The following KCNIP1 variants were observed in gnomAD, a reference collection of about 807,000 sequenced individuals.
KCNIP1 encodes the protein A-type potassium channel modulatory protein KCNIP1.
KCNIP1 carries 18 observed loss-of-function variants against 33.0 expected under a neutral mutation model. The ratio of observed to expected loss-of-function variants is 0.55; its 90% confidence interval spans 0.38 to 0.81. KCNIP1 has a LOEUF of 0.81. Ranked by LOEUF, KCNIP1 falls within the 30% of genes least tolerant of loss-of-function variation. The probability of loss-of-function intolerance (pLI) is 0.00; values close to 1 mark genes in which losing one functional copy is unlikely to be tolerated. For synonymous variants in KCNIP1, 93 were observed against 98.3 expected (o/e 0.95, Z 0.32); for missense variants, 238 against 271.6 (o/e 0.88, Z 0.87).
At chr5:170,712,995 G>A (rs1322253194) in intron 1 of KCNIP1, 1 of 888,102 alleles carries the variant, frequency 1.1e-6, no homozygotes. Flanking sequence ...CCAGCTTTCT[G>A]TGTCCTTTGT....
At chr5:170,664,382 C>T (rs1761621407) in intron 1 of KCNIP1, among the ~76,000 whole-genome samples, 1 of 152,170 alleles carries the variant, frequency 6.6e-6, no homozygotes, top group African/African-American at 2.4e-5. Flanking sequence ...CTAGCATTTC[C>T]CTCTCTGCAT....
chr5:170,652,185 G>C (rs1416261646), intron 1 of KCNIP1, among the ~76,000 whole-genome samples: 2 of 151,986 alleles, frequency 1.3e-5, no homozygotes, highest in Non-Finnish European at 2.9e-5. Context: ...TAATGGCCAA[G>C]AATAGAAGAC....
upstream of KCNIP1, among the ~76,000 whole-genome samples, chr5:170,499,049 C>A (rs941490157): frequency 6.6e-6 from 1 of 152,120 alleles, no homozygotes; most frequent in East Asian, 1.9e-4. Context: ...AAGCAGGAAA[C>A]TCGGCCTTTG....
At chr5:170,621,044 C>A (rs2221441) in intron 1 of KCNIP1, among the ~76,000 whole-genome samples, 2 of 151,936 alleles carry the variant, frequency 1.3e-5, no homozygotes, top group African/African-American at 4.8e-5. Context: ...GCAAGATAGG[C>A]CCCAGAAAGA....
chr5:170,651,606 T>C (rs1561742716), intron 1 of KCNIP1, among the ~76,000 whole-genome samples: 1 of 152,208 alleles, frequency 6.6e-6, no homozygotes, highest in Non-Finnish European at 1.5e-5. Flanking sequence ...CCCCCCCAGC[T>C]GATTGTTTTC....
intron 1 of KCNIP1, among the ~76,000 whole-genome samples, chr5:170,623,999 G>A (rs1759715839): frequency 6.6e-6 from 1 of 152,176 alleles, no homozygotes. Flanking sequence ...TGCCTCCAGT[G>A]GCCCCGTGTC....
chr5:170,684,644 A>G (rs1263397202), intron 1 of KCNIP1, among the ~76,000 whole-genome samples: 1 of 152,202 alleles, frequency 6.6e-6, no homozygotes, highest in Non-Finnish European at 1.5e-5. Context: ...CTGCAGTTCC[A>G]AGGAGGATGA....
chr5:170,598,958 G>A (rs1425715879), intron 1 of KCNIP1, among the ~76,000 whole-genome samples: 1 of 149,932 alleles, frequency 6.7e-6, no homozygotes. Context: ...GGGGTGGGAG[G>A]GGAGGCAGAA....
At position 170,396,587 on chromosome 5, in the gene KCNIP1, ATGGATTCAAAGATTTCCTGG is replaced by A. The variant is rs1472851902; in HGVS notation, c.88+42638_88+42657del. ...GAAAGGCAGGACATCTCAAATGGGGATGGATTCAAAGATTTCCTGGTGGATTCAAAGATTCAAAGGTGGAT... is the reference window on the plus strand; with the variant it reads ...GAAAGGCAGGACATCTCAAATGGGGATGGATTCAAAGATTCAAAGGTGGAT... On this transcript the variant is annotated intron_variant, in intron 1 of 7. Transcript: ENST00000377360. 2.0e-4 allele frequency among the ~76,000 whole-genome samples: 30 copies of A among 152,340 alleles called. No homozygotes were observed. The South Asian group carries it at 6.2e-3, about 32-fold the overall frequency.
intron 1 of KCNIP1, among the ~76,000 whole-genome samples, chr5:170,596,534 G>C (rs948016944): frequency 6.6e-6 from 1 of 152,230 alleles, no homozygotes; most frequent in Non-Finnish European, 1.5e-5. Flanking sequence ...TGGCACAATA[G>C]AGGAAACACC....
At chr5:170,420,920 C>T (rs181257090) in intron 1 of KCNIP1, among the ~76,000 whole-genome samples, 1 of 152,296 alleles carries the variant, frequency 6.6e-6, no homozygotes, top group Admixed American at 6.5e-5. Context: ...TCAATAGCCA[C>T]GTATGGCTGG....
intron 1 of KCNIP1, among the ~76,000 whole-genome samples, chr5:170,670,361 A>G (rs936518128): frequency 6.6e-6 from 1 of 152,214 alleles, no homozygotes; most frequent in Non-Finnish European, 1.5e-5. Flanking sequence ...TAGCAAATTA[A>G]GCCTAGGATG....
At chr5:170,693,243 AG>A (rs1379563273) in intron 1 of KCNIP1, among the ~76,000 whole-genome samples, 1 of 72,508 alleles carries the variant, frequency 1.4e-5, no homozygotes, top group Non-Finnish European at 2.6e-5. Context: ...GGGACGGGCC[AG>A]CCCCCATCCC....
chr5:170,622,410 T>A (rs1315656093), intron 1 of KCNIP1, among the ~76,000 whole-genome samples: 1 of 151,744 alleles, frequency 6.6e-6, no homozygotes, highest in Non-Finnish European at 1.5e-5. Context: ...TCACTTGAGG[T>A]TAGGAGTTCA....
intron 1 of KCNIP1, among the ~76,000 whole-genome samples, chr5:170,511,521 G>A (rs999881443): frequency 2.0e-5 from 3 of 152,216 alleles, no homozygotes; most frequent in Non-Finnish European, 4.4e-5. Context: ...ATTCCTAAGG[G>A]AAGCTGTCAA....
intron 1 of KCNIP1, among the ~76,000 whole-genome samples, chr5:170,447,027 C>A (rs1212669875): frequency 6.6e-6 from 1 of 152,196 alleles, no homozygotes; most frequent in African/African-American, 2.4e-5. Context: ...GATGTTTCAC[C>A]CCCTTGAAGC....
chr5:170,637,280 T>C (rs1328366409), intron 1 of KCNIP1, among the ~76,000 whole-genome samples: 1 of 151,994 alleles, frequency 6.6e-6, no homozygotes, highest in East Asian at 1.9e-4. Flanking sequence ...ACCCCGAGTG[T>C]CTGGCCAGGC....
intron 3 of KCNIP1, 137 bp from the exon 4 acceptor site, chr5:170,721,696 C>T (rs1561783579): frequency 1.3e-6 from 2 of 1,591,090 alleles, no homozygotes; most frequent in South Asian, 1.1e-5. Flanking sequence ...TCAATGGGCC[C>T]CACTCCATAA....
intron 1 of KCNIP1, among the ~76,000 whole-genome samples, chr5:170,573,857 T>C (rs1300945022): frequency 6.6e-6 from 1 of 152,214 alleles, no homozygotes. Flanking sequence ...AGACAGAAAG[T>C]TGGACAATTC....
Sources: allele counts gnomAD v4.1 joint callset (sites outside exome capture counted in the v4.1 genomes callset), GRCh38; gene constraint gnomAD v4.1.1; transcripts MANE v1.5; gene names NCBI Gene and HGNC (gene_info 2026-07-23, HGNC 2026-07-21).